Variants in MIPOL1 observed in about 807,000 individuals in gnomAD.
MIPOL1 encodes mirror-image polydactyly gene 1 protein.
A neutral mutation model predicts 60.9 loss-of-function variants in MIPOL1; 57 were observed. That is an observed-to-expected ratio of 0.94 (90% CI 0.76 to 1.17). MIPOL1 has a LOEUF of 1.17. Among genes scored for constraint, MIPOL1 ranks in the 50% most tolerant of loss-of-function variants. MIPOL1 has a pLI of 0.00. For missense variants in MIPOL1, 551 were observed against 511.6 expected (o/e 1.08, Z -0.74); for synonymous variants, 179 against 168.8 (o/e 1.06, Z -0.47).
At chr14:37,483,216 G>A (rs781488117) in intron 11 of MIPOL1, among the ~76,000 whole-genome samples, 16 of 150,550 alleles carry the variant, frequency 1.1e-4, no homozygotes, top group Non-Finnish European at 1.9e-4. Flanking sequence ...GGGTTCAAGC[G>A]ATTCTCCTGT....
At chr14:37,281,390 GT>G (rs918733248) in intron 6 of MIPOL1, among the ~76,000 whole-genome samples, 2 of 151,916 alleles carry the variant, frequency 1.3e-5, no homozygotes, top group Admixed American at 1.3e-4. Flanking sequence ...ATACCATGCT[GT>G]TTTTTTGTTG....
Position 37,294,797 on chromosome 14 carries a change from G to C in MIPOL1, c.623+9350G>C, listed in dbSNP as rs1332350272. ...TGAGCAAAGCCTCCGAGAAATATGG[G>C]ACTATGTGAAAAGACCAAATCTACA... On this transcript the variant is annotated intron_variant, in intron 7 of 12. Coordinates refer to ENST00000684589, the MANE Select transcript of MIPOL1 (RefSeq NM_001388067.1). Among the ~76,000 whole-genome samples, 5 of 152,174 alleles carry C rather than the reference G, an allele frequency of 3.3e-5. No homozygotes were observed. In the South Asian group the frequency reaches 6.2e-4, roughly 19 times the overall value.
At chr14:37,503,979 T>A (rs1288653908) in intron 12 of MIPOL1, 1 of 152,076 alleles carries the variant, frequency 6.6e-6, no homozygotes, top group African/African-American at 2.4e-5. Context: ...AAACAGACTT[T>A]AAACCAACAA....
chr14:37,482,886 G>T (rs1013286550), intron 11 of MIPOL1, among the ~76,000 whole-genome samples: 1 of 152,136 alleles, frequency 6.6e-6, no homozygotes, highest in Non-Finnish European at 1.5e-5. Context: ...TCTGTTAGGG[G>T]ATTGGTATCA....
intron 11 of MIPOL1, among the ~76,000 whole-genome samples, chr14:37,444,515 T>G (rs8008655): frequency 0.23 from 35,719 of 152,120 alleles, 4,770 homozygotes; most frequent in South Asian, 0.36. Flanking sequence ...CTGTAGATAT[T>G]GACAAGGTAA....
At chr14:37,293,569 G>C (rs181170095) in intron 7 of MIPOL1, among the ~76,000 whole-genome samples, 1 of 152,144 alleles carries the variant, frequency 6.6e-6, no homozygotes, top group African/African-American at 2.4e-5. Flanking sequence ...TCAAAGAAAG[G>C]GGTGACAGAC....
At chr14:37,463,638 T>A (rs2094565511) in intron 11 of MIPOL1, among the ~76,000 whole-genome samples, 1 of 152,076 alleles carries the variant, frequency 6.6e-6, no homozygotes, top group Non-Finnish European at 1.5e-5. Flanking sequence ...AAACATAAGA[T>A]CTGAAACTAT....
intron 11 of MIPOL1, among the ~76,000 whole-genome samples, chr14:37,461,395 G>T (rs887216709): frequency 3.3e-5 from 5 of 152,048 alleles, no homozygotes; most frequent in Admixed American, 2.6e-4. Flanking sequence ...AACAGCACAG[G>T]AAAGACCCTC....
chr14:37,323,400 C>T (rs1388387393), intron 9 of MIPOL1, among the ~76,000 whole-genome samples: 3 of 151,986 alleles, frequency 2.0e-5, no homozygotes, highest in Non-Finnish European at 4.4e-5. Flanking sequence ...AGTTTGAAGT[C>T]AGTTAGCGTG....
intron 3 of MIPOL1, among the ~76,000 whole-genome samples, chr14:37,262,987 G>A (rs1567192966): frequency 6.6e-6 from 1 of 152,180 alleles, no homozygotes; most frequent in African/African-American, 2.4e-5. Context: ...CCTTACTTCT[G>A]TATAGTGGTC....
At chr14:37,207,405 G>C (rs1966259676) in intron 1 of MIPOL1, among the ~76,000 whole-genome samples, 1 of 152,144 alleles carries the variant, frequency 6.6e-6, no homozygotes, top group African/African-American at 2.4e-5. Flanking sequence ...AAATTGCCTA[G>C]TCTTGGGTAT....
chr14:37,384,810 G>A (rs1022755790), intron 10 of MIPOL1, among the ~76,000 whole-genome samples: 8 of 151,888 alleles, frequency 5.3e-5, no homozygotes, highest in Middle Eastern at 3.4e-3. Context: ...TTTTTTAAGG[G>A]CAATTTTATA....
chr14:37,369,629 A>G lies in MIPOL1; in HGVS notation c.936+5A>G. On this transcript the variant is annotated splice_donor_5th_base_variant and intron_variant, in intron 10 of 12. Coordinates refer to ENST00000684589, the MANE Select transcript of MIPOL1 (RefSeq NM_001388067.1). ...AATCAAGAACGTGCTCTGAAGGTAA[A>G]TCTCCGTTCCTTCTTGCAGGCAAAT... is the stretch of plus-strand genomic sequence containing the variant. The G allele has an allele frequency of 6.2e-7, 1 of 1,608,796 alleles. No homozygotes were observed. The highest frequency in any genetic ancestry group is 8.5e-7 in the Non-Finnish European group (1 of 1,175,730).
At chr14:37,380,690 AT>A (rs1476164190) in intron 10 of MIPOL1, among the ~76,000 whole-genome samples, 8 of 152,110 alleles carry the variant, frequency 5.3e-5, no homozygotes, top group Non-Finnish European at 1.0e-4. Context: ...TGTTTTTCTA[AT>A]TGGGAGTTTC....
intron 11 of MIPOL1, among the ~76,000 whole-genome samples, chr14:37,467,668 G>A (rs2094617106): frequency 6.6e-6 from 1 of 152,154 alleles, no homozygotes; most frequent in Admixed American, 6.6e-5. Flanking sequence ...CAGATTGTGA[G>A]CAGGTCTTAA....
intron 9 of MIPOL1, among the ~76,000 whole-genome samples, chr14:37,331,530 A>G (rs754755411): frequency 1.3e-4 from 19 of 144,402 alleles, no homozygotes; most frequent in Non-Finnish European, 2.3e-4. Flanking sequence ...ATTTTTCACT[A>G]TTGTAAATGG....
chr14:37,500,049 G>T lies in MIPOL1; in HGVS notation c.1173G>T (p.Leu391=). ...AAAATGAGGAACTGGCTACTCAACT[G>T]CAACAAGCTCTGACAGAGCGAGCAA... is the stretch of plus-strand genomic sequence containing the variant. ...QQQNEELATQ[L]QQALTERANM... is the part of the protein sequence containing the mutation. The change falls in exon 12 of 13, where the codon CTG becomes CTT. Residue 391 remains leucine (L), a synonymous_variant. Transcript: ENST00000684589. The T allele has an allele frequency of 1.2e-6, 2 of 1,613,912 alleles. No individual in the cohort carries two copies. The highest frequency in any genetic ancestry group is 1.1e-5 in the South Asian group (1 of 91,068).
At chr14:37,475,775 T>A (rs184923999) in intron 11 of MIPOL1, among the ~76,000 whole-genome samples, 1 of 151,780 alleles carries the variant, frequency 6.6e-6, no homozygotes, top group Non-Finnish European at 1.5e-5. Context: ...TTCTCTTCCA[T>A]TGATCGATTT....
At chr14:37,395,542 G>C (rs2093355749) in intron 10 of MIPOL1, among the ~76,000 whole-genome samples, 2 of 152,088 alleles carry the variant, frequency 1.3e-5, no homozygotes, top group African/African-American at 4.8e-5. Context: ...TTGAGTCATT[G>C]ATTTGATTCT....
Sources: allele counts gnomAD v4.1 joint callset (sites outside exome capture counted in the v4.1 genomes callset), GRCh38; gene constraint gnomAD v4.1.1; transcripts MANE v1.5; gene names NCBI Gene and HGNC (gene_info 2026-07-23, HGNC 2026-07-21).